The following FZR1 variants were observed in gnomAD, a reference collection of about 807,000 sequenced individuals.
The protein encoded by FZR1 is fizzy-related protein homolog.
In FZR1, 11 loss-of-function variants were observed where a neutral mutation model predicts 63.6. The observed-to-expected ratio is 0.17, with a 90% CI of 0.11 to 0.29. FZR1 has a LOEUF of 0.29. Ranked by LOEUF, FZR1 falls within the 10% of genes least tolerant of loss-of-function variation. FZR1 has a pLI of 1.00. For missense variants in FZR1, 440 were observed against 687.5 expected (o/e 0.64, Z 4.03); for synonymous variants, 328 against 297.9 (o/e 1.10, Z -1.04).
chr19:3,532,516 C>T lies in FZR1; in HGVS notation c.1108C>T (p.Leu370=). 6 of 1,611,518 alleles carry T rather than the reference C, an allele frequency of 3.7e-6. No homozygotes were observed. Among genetic ancestry groups the T allele is most frequent in the Non-Finnish European group, 5.1e-6 (6 of 1,179,040 alleles). The change falls in exon 11 of 14, where the codon CTG becomes TTG. Residue 370 remains leucine (L), a synonymous_variant. Coordinates refer to ENST00000441788, the MANE Select transcript of FZR1 (RefSeq NM_016263.4). The part of the protein sequence containing the change: ...AIAWSPHQHG[L]LASGGGTADR... ...CGCCTGGTCCCCACATCAGCACGGGCTGCTGGCCTCGGGGGGCGGCACAGC... is the reference window on the plus strand; with the variant it reads ...CGCCTGGTCCCCACATCAGCACGGGTTGCTGGCCTCGGGGGGCGGCACAGC...
At chr19:3,519,292 C>T (rs770445324) in intron 1 of FZR1, among the ~76,000 whole-genome samples, 22 of 152,240 alleles carry the variant, frequency 1.4e-4, no homozygotes, top group Non-Finnish European at 2.9e-4. Context: ...ACCCTACGCC[C>T]CTGGCAGTCC....
At chr19:3,529,084 G>A (rs1348674500) in intron 7 of FZR1, among the ~76,000 whole-genome samples, 1 of 149,962 alleles carries the variant, frequency 6.7e-6, no homozygotes, top group Non-Finnish European at 1.5e-5. Context: ...GAGAGCGGAT[G>A]GGAGAGCAGA....
chr19:3,524,754 C>T (rs999773613), intron 2 of FZR1, among the ~76,000 whole-genome samples: 5 of 152,164 alleles, frequency 3.3e-5, no homozygotes, highest in African/African-American at 1.2e-4. Flanking sequence ...CTGGGGGCTC[C>T]TGCTATCCGT....
intron 7 of FZR1, among the ~76,000 whole-genome samples, chr19:3,528,364 C>T (rs1445412906): frequency 1.3e-5 from 2 of 152,242 alleles, no homozygotes; most frequent in Non-Finnish European, 2.9e-5. Flanking sequence ...GGGTTGGCGC[C>T]CTCCCTGCAG....
rs200515846 is a variant in FZR1, at chr19:3,531,834, C to A, written c.823+18C>A. 4,174 of 1,550,292 alleles carry A rather than the reference C, an allele frequency of 2.7e-3. 12 individuals carry two copies. Among genetic ancestry groups the A allele is most frequent in the Non-Finnish European group, 3.2e-3 (3,650 of 1,146,814 alleles). ...ACGCGTCGGTGAGGAGCCCGGGTCC[C>A]ATGGCTGGTGAGCTCCCTGAGGCCC... On this transcript the variant is annotated intron_variant, in intron 9 of 13. Transcript: ENST00000441788.
rs2083259023 is a variant in FZR1 at position 3,532,521 on chromosome 19, G to C, written c.1113G>C (p.Leu371=). ...GGTCCCCACATCAGCACGGGCTGCT[G>C]GCCTCGGGGGGCGGCACAGCTGACC... ...IAWSPHQHGL[L]ASGGGTADRC... is the part of the protein sequence containing the mutation. Residue 371 remains leucine (L), a synonymous_variant, in exon 11 of 14, where the codon CTG becomes CTC. Coordinates refer to ENST00000441788, the MANE Select transcript of FZR1 (RefSeq NM_016263.4). 6.2e-7 allele frequency: 1 copy of C among 1,610,516 alleles called. No homozygotes were observed. Among genetic ancestry groups the C allele is most frequent in the Middle Eastern group, 1.7e-4 (1 of 6,042 alleles).
intron 11 of FZR1, 24 bp downstream of exon 11, chr19:3,532,674 C>G (rs372377253): frequency 2.0e-6 from 3 of 1,529,928 alleles, no homozygotes; most frequent in Non-Finnish European, 2.7e-6. Flanking sequence ...GCCCGGCCTC[C>G]CACCAGGCCT....
intron 12 of FZR1, 73 bp from the exon 13 acceptor site, chr19:3,534,348 C>G: frequency 1.2e-6 from 1 of 813,444 alleles, no homozygotes; most frequent in Non-Finnish European, 2.0e-6. Context: ...GCTCCCCTCT[C>G]CTTCAGTCCC....
chr19:3,524,920 C>T (rs981850872), intron 2 of FZR1, among the ~76,000 whole-genome samples: 20 of 152,292 alleles, frequency 1.3e-4, no homozygotes, highest in African/African-American at 3.9e-4. Context: ...CTGCAAGAAA[C>T]TCGTGTCCAA....
At chr19:3,508,640 T>C (rs2083003140) in intron 1 of FZR1, among the ~76,000 whole-genome samples, 1 of 152,120 alleles carries the variant, frequency 6.6e-6, no homozygotes, top group Admixed American at 6.5e-5. Flanking sequence ...GGGGAGAGGA[T>C]GGAAAGTCTG....
chr19:3,524,028 C>T (rs1288744834), intron 2 of FZR1, among the ~76,000 whole-genome samples: 1 of 152,232 alleles, frequency 6.6e-6, no homozygotes, highest in East Asian at 1.9e-4. Flanking sequence ...GGTAAAGGGA[C>T]AGGGCCACTG....
chr19:3,514,236 G>T lies in FZR1; in HGVS notation c.-35+7762G>T, dbSNP rs1284064530. Among the ~76,000 whole-genome samples the T allele has an allele frequency of 6.6e-6, 1 of 152,194 alleles. No homozygotes were observed. Among genetic ancestry groups the T allele is most frequent in the African/African-American group, 2.4e-5 (1 of 41,446 alleles). ...GGCCCCCACAAACAGTGCCTCATCG[G>T]CTCCCTTTCCTCCTCTCCCCACTGG... On this transcript the variant is annotated intron_variant, in intron 1 of 13. Transcript: ENST00000441788. This position sits in a 1 kb window ranked among gnomAD's most constrained non-coding sequence, Gnocchi z 4.2.
At chr19:3,534,599 C>T (rs1377036325) in intron 13 of FZR1, 86 bp downstream of exon 13, 9 of 988,914 alleles carry the variant, frequency 9.1e-6, no homozygotes, top group Non-Finnish European at 1.3e-5. Context: ...CGGGCGTACC[C>T]TCCTCTGGGT....
At chr19:3,532,194 G>T in intron 10 of FZR1, 99 bp downstream of exon 10, 3 of 1,176,166 alleles carry the variant, frequency 2.6e-6, no homozygotes, top group Admixed American at 2.8e-5. Context: ...CGCGGGCGCG[G>T]GGCCCACTCC....
At position 3,536,878 on chromosome 19, in the gene FZR1, C is replaced by G. The variant is rs1192488791; in HGVS notation, c.*2042C>G. On this transcript the variant is annotated 3_prime_UTR_variant, in exon 14 of 14. Coordinates refer to ENST00000441788, the MANE Select transcript of FZR1 (RefSeq NM_016263.4). Reference sequence around the variant, plus strand: ...TGAGGGGCTTCCCAGGCCTGCATTTCACAGATGGGGAGCTCAGCCCTCGAA... The same window carrying G: ...TGAGGGGCTTCCCAGGCCTGCATTTGACAGATGGGGAGCTCAGCCCTCGAA... The G allele has an allele frequency of 6.6e-6, 1 of 152,280 alleles. No homozygotes were observed. Among genetic ancestry groups the G allele is most frequent in the Non-Finnish European group, 1.5e-5 (1 of 68,080 alleles). The allele number at this position is 152,280 out of a possible 1,614,324, so 9.4% of individuals were successfully genotyped here.
chr19:3,531,224 C>T (rs1300929056), intron 8 of FZR1, among the ~76,000 whole-genome samples: 1 of 152,170 alleles, frequency 6.6e-6, no homozygotes, highest in African/African-American at 2.4e-5. Flanking sequence ...AGCTTTGAAG[C>T]ATATCATGGG....
intron 1 of FZR1, among the ~76,000 whole-genome samples, chr19:3,508,036 A>C (rs2082997821): frequency 7.3e-6 from 1 of 137,892 alleles, no homozygotes; most frequent in Admixed American, 7.4e-5. Context: ...GGTACCCGCC[A>C]GTTTGCCCCT....
At chr19:3,534,363 C>G in intron 12 of FZR1, 58 bp from the exon 13 acceptor site, 1 of 953,808 alleles carries the variant, frequency 1.0e-6, no homozygotes, top group Non-Finnish European at 1.7e-6. Flanking sequence ...AGTCCCCCAG[C>G]ACTGTCCCGA....
chr19:3,525,862 C>CT lies in FZR1; in HGVS notation c.70-4dup. The CT allele has an allele frequency of 6.2e-7, 1 of 1,610,624 alleles. No homozygotes were observed. Among genetic ancestry groups the CT allele is most frequent in the African/African-American group, 1.3e-5 (1 of 75,038 alleles). On this transcript the variant is annotated splice_region_variant and splice_polypyrimidine_tract_variant and intron_variant, in intron 2 of 13. Coordinates refer to ENST00000441788, the MANE Select transcript of FZR1 (RefSeq NM_016263.4). This position sits in a 1 kb window ranked among gnomAD's most constrained non-coding sequence, Gnocchi z 4.2. ...TGAGAGCAAGCCCTCTGCTGATGCCCTTCAGGTCACAGAGATGCGGCGGAC... is the reference window on the plus strand; with the variant it reads ...TGAGAGCAAGCCCTCTGCTGATGCCCTTTCAGGTCACAGAGATGCGGCGGAC...
Sources: allele counts gnomAD v4.1 joint callset (sites outside exome capture counted in the v4.1 genomes callset), GRCh38; gene constraint gnomAD v4.1.1; non-coding constraint Gnocchi (gnomAD v3.1); transcripts MANE v1.5; gene names NCBI Gene and HGNC (gene_info 2026-07-23, HGNC 2026-07-21).